Variants in ADAMTS3 observed in about 807,000 individuals in gnomAD.
ADAMTS3 encodes the protein ADAM metallopeptidase with thrombospondin type 1 motif 3.
Under a neutral mutation model 129.0 loss-of-function variants are expected in ADAMTS3, and 73 were observed. The observed-to-expected ratio is 0.57, with a 90% CI of 0.47 to 0.69. ADAMTS3 has a LOEUF of 0.69. ADAMTS3 is among the 30% of genes least tolerant of loss of function. The probability of loss-of-function intolerance (pLI) is 0.00; values close to 1 mark genes in which losing one functional copy is unlikely to be tolerated. For synonymous variants in ADAMTS3, 477 were observed against 510.8 expected (o/e 0.93, Z 0.89); for missense variants, 1,457 against 1,514.5 (o/e 0.96, Z 0.63).
intron 5 of ADAMTS3, among the ~76,000 whole-genome samples, chr4:72,326,230 A>G (rs565858358): frequency 1.3e-5 from 2 of 152,140 alleles, no homozygotes; most frequent in African/African-American, 4.8e-5. Context: ...TGCATAGCAC[A>G]AAGTATTATT....
chr4:72,520,143 C>T (rs1439534239), intron 3 of ADAMTS3, among the ~76,000 whole-genome samples: 1 of 152,206 alleles, frequency 6.6e-6, no homozygotes, highest in Admixed American at 6.5e-5. Context: ...GCGGTGGCTG[C>T]AGAACAGCAG....
At chr4:72,491,395 T>G (rs2110015025) in intron 3 of ADAMTS3, among the ~76,000 whole-genome samples, 1 of 151,904 alleles carries the variant, frequency 6.6e-6, no homozygotes, top group East Asian at 1.9e-4. Flanking sequence ...AAGAAAAGTT[T>G]TCAGTTTTTC....
rs181562948 is a variant in ADAMTS3 at position 72,412,840 on chromosome 4, T to G, written c.661+1975A>C. Among the ~76,000 whole-genome samples, 3 of 152,134 alleles carry G rather than the reference T, an allele frequency of 2.0e-5. No individual in the cohort carries two copies. In the East Asian group the frequency reaches 5.8e-4, roughly 29 times the overall value. On this transcript the variant is annotated intron_variant, in intron 4 of 21. Coordinates refer to ENST00000286657, the MANE Select transcript of ADAMTS3 (RefSeq NM_014243.3). ...CCTACTTCAACTATAATTGCAATCT[T>G]CTATTCATGACTGAAAAACTCAGTC...
At chr4:72,530,133 A>AAT (rs1720960960) in intron 3 of ADAMTS3, among the ~76,000 whole-genome samples, 1 of 710 alleles carries the variant, frequency 1.4e-3, no homozygotes, top group African/African-American at 3.1e-3. Flanking sequence ...ATTATAATAT[A>AAT]ATATATATTA....
chr4:72,462,435 G>A (rs927880091), intron 3 of ADAMTS3, among the ~76,000 whole-genome samples: 3 of 152,006 alleles, frequency 2.0e-5, no homozygotes, highest in African/African-American at 7.2e-5. Flanking sequence ...ACTAAAAGTA[G>A]TTCAATCCCA....
chr4:72,473,694 G>T (rs1719145575), intron 3 of ADAMTS3, among the ~76,000 whole-genome samples: 1 of 152,078 alleles, frequency 6.6e-6, no homozygotes, highest in African/African-American at 2.4e-5. Context: ...GGGGAGCTGG[G>T]ACTTTCATTC....
Position 72,567,410 on chromosome 4 carries a change from G to T in ADAMTS3, c.70-9C>A. Reference sequence around the variant, plus strand: ...ATTTCTTCATTACCAGCCTGGAAAGGAGGGGGAAAGCAAGAAAAAGAAAGT... The same window carrying T: ...ATTTCTTCATTACCAGCCTGGAAAGTAGGGGGAAAGCAAGAAAAAGAAAGT... On this transcript the variant is annotated splice_polypyrimidine_tract_variant and intron_variant, in intron 1 of 21. Transcript: ENST00000286657. 1 of 1,612,930 alleles carries T rather than the reference G, an allele frequency of 6.2e-7. No homozygotes were observed. Among genetic ancestry groups the T allele is most frequent in the Non-Finnish European group, 8.5e-7 (1 of 1,179,184 alleles).
chr4:72,498,215 G>A (rs1017817445), intron 3 of ADAMTS3, among the ~76,000 whole-genome samples: 3 of 151,948 alleles, frequency 2.0e-5, no homozygotes, highest in Non-Finnish European at 4.4e-5. Flanking sequence ...AGCACTCTAC[G>A]ATTTCTGCAC....
At chr4:72,288,672 T>C (rs1718574324) in intron 21 of ADAMTS3, 79 bp downstream of exon 21, 1 of 906,388 alleles carries the variant, frequency 1.1e-6, no homozygotes, top group African/African-American at 1.6e-5. Context: ...ATAAATTCTA[T>C]AACTTCTCTC....
At chr4:72,499,118 A>G (rs988136759) in intron 3 of ADAMTS3, among the ~76,000 whole-genome samples, 1 of 152,136 alleles carries the variant, frequency 6.6e-6, no homozygotes, top group South Asian at 2.1e-4. Flanking sequence ...ACTCATACCA[A>G]AGGAAGTTTG....
At chr4:72,364,612 TAA>T (rs78613730) in intron 4 of ADAMTS3, among the ~76,000 whole-genome samples, 6 of 139,172 alleles carry the variant, frequency 4.3e-5, no homozygotes, top group Admixed American at 1.4e-4. Context: ...AGACTCCGTT[TAA>T]AAAAAAAAAA....
At chr4:72,516,088 T>G (rs888120729) in intron 3 of ADAMTS3, among the ~76,000 whole-genome samples, 1 of 152,216 alleles carries the variant, frequency 6.6e-6, no homozygotes, top group Admixed American at 6.5e-5. Flanking sequence ...ATTTATTAAA[T>G]GGGGAATCCT....
intron 10 of ADAMTS3, among the ~76,000 whole-genome samples, chr4:72,317,492 T>C (rs72862347): frequency 0.028 from 4,221 of 151,562 alleles, 183 homozygotes; most frequent in African/African-American, 0.097. Flanking sequence ...TTTTAATGAA[T>C]TACTAAAGAC....
intron 10 of ADAMTS3, 113 bp from the exon 11 acceptor site, chr4:72,316,084 T>C (rs1332552492): frequency 1.0e-5 from 5 of 495,600 alleles, no homozygotes; most frequent in African/African-American, 2.0e-5. Context: ...TTATTTCAAG[T>C]TAATAGCCAA....
At chr4:72,416,596 T>C (rs751337973) in intron 3 of ADAMTS3, among the ~76,000 whole-genome samples, 7 of 152,306 alleles carry the variant, frequency 4.6e-5, no homozygotes, top group Non-Finnish European at 1.0e-4. Context: ...TTTCTTTCCT[T>C]ATCTGACTAA....
At chr4:72,288,974 A>C in intron 20 of ADAMTS3, 106 bp from the exon 21 acceptor site, 1 of 725,782 alleles carries the variant, frequency 1.4e-6, no homozygotes, top group Non-Finnish European at 2.4e-6. Context: ...ACACAAAGAC[A>C]CAGAGATCTG....
intron 3 of ADAMTS3, among the ~76,000 whole-genome samples, chr4:72,449,102 A>G (rs1381977320): frequency 6.6e-6 from 1 of 151,676 alleles, no homozygotes; most frequent in Non-Finnish European, 1.5e-5. Flanking sequence ...CTTTCTCTGC[A>G]CTTGTCATAA....
intron 3 of ADAMTS3, among the ~76,000 whole-genome samples, chr4:72,518,247 T>C (rs1482071092): frequency 6.6e-6 from 1 of 152,182 alleles, no homozygotes. Context: ...GAGGAGACCT[T>C]TACTTCCAAG....
At chr4:72,435,246 A>AT (rs1331248648) in intron 3 of ADAMTS3, among the ~76,000 whole-genome samples, 3 of 151,838 alleles carry the variant, frequency 2.0e-5, no homozygotes, top group African/African-American at 7.2e-5. Context: ...TTAGCTGGGA[A>AT]TATGTGCCTT....
Sources: allele counts gnomAD v4.1 joint callset (sites outside exome capture counted in the v4.1 genomes callset), GRCh38; gene constraint gnomAD v4.1.1; transcripts MANE v1.5; gene names NCBI Gene and HGNC (gene_info 2026-07-23, HGNC 2026-07-21).